Variants in FGD4 observed in about 807,000 individuals in gnomAD.
The protein encoded by FGD4 is FYVE, RhoGEF and PH domain-containing protein 4.
In FGD4, 42 loss-of-function variants were observed where a neutral mutation model predicts 102.0. The observed-to-expected ratio is 0.41, with a 90% CI of 0.32 to 0.53. The LOEUF (loss-of-function observed/expected upper bound fraction) is 0.53. Ranked by LOEUF, FGD4 falls within the 20% of genes least tolerant of loss-of-function variation. The pLI is 0.21. For synonymous variants in FGD4, 380 were observed against 375.7 expected (o/e 1.01, Z -0.13); for missense variants, 902 against 1,078.2 (o/e 0.84, Z 2.29).
At chr12:32,547,581 C>A (rs1943325977) in intron 1 of FGD4, among the ~76,000 whole-genome samples, 1 of 152,242 alleles carries the variant, frequency 6.6e-6, no homozygotes, top group South Asian at 2.1e-4. Flanking sequence ...GTGCTTTGCA[C>A]AATGTGTGCT....
chr12:32,570,491 G>T (rs2136327228), intron 2 of FGD4, among the ~76,000 whole-genome samples: 1 of 151,944 alleles, frequency 6.6e-6, no homozygotes, highest in Admixed American at 6.6e-5. Flanking sequence ...GCCCAGGCTG[G>T]AGTGTAGTGG....
intron 1 of FGD4, among the ~76,000 whole-genome samples, chr12:32,460,247 C>T (rs1386255576): frequency 1.3e-5 from 2 of 152,090 alleles, no homozygotes; most frequent in African/African-American, 2.4e-5. Context: ...CATGGTGGCT[C>T]ACGCCTGTAA....
rs747553161 is a variant in FGD4 at position 32,633,522 on chromosome 12, A to G, written c.2173-27A>G. ...TAAATCATATCCTTTAAATATGATTACTGTTCATTTTTCTTTTAAATTTAA... is the reference window on the plus strand; with the variant it reads ...TAAATCATATCCTTTAAATATGATTGCTGTTCATTTTTCTTTTAAATTTAA... On this transcript the variant is annotated intron_variant, in intron 14 of 16. Coordinates refer to ENST00000534526, the MANE Select transcript of FGD4 (RefSeq NM_001370298.3). 3 of 1,601,010 alleles carry G rather than the reference A, an allele frequency of 1.9e-6. No individual in the cohort carries two copies. In the African/African-American group the frequency reaches 4.0e-5, roughly 21 times the overall value.
intron 1 of FGD4, among the ~76,000 whole-genome samples, chr12:32,428,700 T>G (rs1380063818): frequency 6.6e-6 from 1 of 152,218 alleles, no homozygotes; most frequent in Non-Finnish European, 1.5e-5. Context: ...TTCAGGTACA[T>G]CAATCAAACG....
chr12:32,484,077 T>A (rs1215943073), intron 1 of FGD4, among the ~76,000 whole-genome samples: 1 of 152,140 alleles, frequency 6.6e-6, no homozygotes, highest in Non-Finnish European at 1.5e-5. Context: ...CCTTGGAAAT[T>A]ACACCAAAAA....
At chr12:32,559,706 C>T (rs73305534) in intron 1 of FGD4, among the ~76,000 whole-genome samples, 7,075 of 152,180 alleles carry the variant, frequency 0.046, 213 homozygotes, top group African/African-American at 0.083. Flanking sequence ...ACCTACCATA[C>T]CCTGAAAGTT....
chr12:32,422,955 A>G (rs1284072070), intron 1 of FGD4, among the ~76,000 whole-genome samples: 1 of 152,224 alleles, frequency 6.6e-6, no homozygotes, highest in African/African-American at 2.4e-5. Flanking sequence ...TAAAGTTTAA[A>G]TACTTTCTCC....
intron 1 of FGD4, among the ~76,000 whole-genome samples, chr12:32,402,146 T>TA (rs1940699689): frequency 1.7e-5 from 2 of 116,850 alleles, no homozygotes; most frequent in African/African-American, 6.9e-5. Context: ...TTTTTTTTTT[T>TA]AAAGAGACGG....
At chr12:32,494,088 C>G (rs925912601) in intron 1 of FGD4, among the ~76,000 whole-genome samples, 8 of 152,310 alleles carry the variant, frequency 5.3e-5, no homozygotes, top group African/African-American at 1.9e-4. Flanking sequence ...CTATGTTGCC[C>G]AGGCTGGAGT....
At chr12:32,454,534 G>A (rs1308498239) in intron 1 of FGD4, among the ~76,000 whole-genome samples, 37 of 152,034 alleles carry the variant, frequency 2.4e-4, no homozygotes, top group Non-Finnish European at 2.9e-5. Flanking sequence ...CATAGGTTAG[G>A]GCCAATCACT....
At chr12:32,574,950 A>G (rs1946008735) in intron 2 of FGD4, 1 of 152,224 alleles carries the variant, frequency 6.6e-6, no homozygotes, top group African/African-American at 2.4e-5. Context: ...TACATGTTAT[A>G]TAGTATTTTA....
intron 6 of FGD4, among the ~76,000 whole-genome samples, chr12:32,601,695 A>T (rs1948438417): frequency 6.6e-6 from 1 of 152,204 alleles, no homozygotes; most frequent in South Asian, 2.1e-4. Context: ...TAGCCCCTTT[A>T]AAAAGGTGCT....
intron 2 of FGD4, among the ~76,000 whole-genome samples, chr12:32,567,618 G>A (rs1044296765): frequency 2.6e-5 from 4 of 151,220 alleles, no homozygotes; most frequent in African/African-American, 9.7e-5. Context: ...ATAAAAATAA[G>A]CACGTAATTA....
intron 14 of FGD4, among the ~76,000 whole-genome samples, chr12:32,631,672 T>C (rs1950511008): frequency 2.6e-5 from 4 of 152,000 alleles, no homozygotes; most frequent in South Asian, 2.1e-4. Context: ...GCCCGGCTAA[T>C]TTTTTGTATT....
intron 4 of FGD4, among the ~76,000 whole-genome samples, chr12:32,586,234 G>C (rs907765177): frequency 6.6e-6 from 1 of 152,062 alleles, no homozygotes; most frequent in Non-Finnish European, 1.5e-5. Context: ...AGTTTAAAAA[G>C]TTTAAAAATC....
chr12:32,421,256 TCAGCTTTCCTTGTGTGTCTACACCATTCA>T (rs1941614586), intron 1 of FGD4, among the ~76,000 whole-genome samples: 1 of 152,234 alleles, frequency 6.6e-6, no homozygotes, highest in Non-Finnish European at 1.5e-5. Flanking sequence ...TCAGTGGTAC[TCAGCTTTCCTTGTGTGTCTACACCATTCA>T]TATACTCGCA....
Position 32,633,935 on chromosome 12 carries a change from G to A in FGD4, c.2313+246G>A, listed in dbSNP as rs113072835. Among the ~76,000 whole-genome samples, 13,669 of 152,174 alleles carry A rather than the reference G, an allele frequency of 0.09. 751 individuals are homozygous for A. Among genetic ancestry groups the A allele is most frequent in the Middle Eastern group, 0.19 (55 of 294 alleles). ...TGACCTCAGGTGATCTGCCCACCTC[G>A]GCCTCCCAAAGTGCTGGGATTACAG... On this transcript the variant is annotated intron_variant, in intron 15 of 16. Coordinates refer to ENST00000534526, the MANE Select transcript of FGD4 (RefSeq NM_001370298.3).
At chr12:32,436,795 C>G (rs1334313021) in intron 1 of FGD4, among the ~76,000 whole-genome samples, 1 of 152,042 alleles carries the variant, frequency 6.6e-6, no homozygotes, top group African/African-American at 2.4e-5. Flanking sequence ...CCTACACTAC[C>G]AGTACCATTA....
intron 1 of FGD4, among the ~76,000 whole-genome samples, chr12:32,470,072 T>C (rs1943375844): frequency 6.6e-6 from 1 of 152,130 alleles, no homozygotes; most frequent in Non-Finnish European, 1.5e-5. Context: ...AACAAATATG[T>C]AGTAATTTAA....
Sources: allele counts gnomAD v4.1 joint callset (sites outside exome capture counted in the v4.1 genomes callset), GRCh38; gene constraint gnomAD v4.1.1; transcripts MANE v1.5; gene names NCBI Gene and HGNC (gene_info 2026-07-23, HGNC 2026-07-21).